H6PD: variants seen among roughly 807,000 people sequenced by gnomAD.
H6PD encodes GDH/6PGL endoplasmic bifunctional protein.
In H6PD, 48 loss-of-function variants were observed where a neutral mutation model predicts 61.2. That is an observed-to-expected ratio of 0.78 (90% confidence interval 0.62 to 1.00). H6PD has a LOEUF of 1.00. H6PD is among the 50% of genes least tolerant of loss of function. The probability of loss-of-function intolerance (pLI) is 0.00; values close to 1 mark genes in which losing one functional copy is unlikely to be tolerated. For synonymous variants in H6PD, 480 were observed against 457.9 expected (o/e 1.05, Z -0.62); for missense variants, 1,093 against 1,065.0 (o/e 1.03, Z -0.37).
chr1:9,261,546 G>A (rs1425426387), intron 3 of H6PD, among the ~76,000 whole-genome samples: 6 of 152,282 alleles, frequency 3.9e-5, no homozygotes, highest in Admixed American at 6.5e-5. Context: ...CCTGGCACAG[G>A]TGTGCGCCCG....
rs533108803 is a variant in H6PD at position 9,242,647 on chromosome 1, G to A, written c.-10-2278G>A. The A allele has an allele frequency of 7.1e-6, 7 of 985,472 alleles. No individual in the cohort carries two copies. In the East Asian group the frequency reaches 6.8e-4, roughly 96 times the overall value. The allele number at this position is 985,472 out of a possible 1,614,324, so 61.0% of individuals were successfully genotyped here. On this transcript the variant is annotated intron_variant, in intron 1 of 4. Coordinates refer to ENST00000377403, the MANE Select transcript of H6PD (RefSeq NM_004285.4). Reference sequence around the variant, plus strand: ...AGCTGTCTGCAGTCTTCTGGGGTGGGGGCAGAGGTGCTGGCCCTTGGGGCT... The same window carrying A: ...AGCTGTCTGCAGTCTTCTGGGGTGGAGGCAGAGGTGCTGGCCCTTGGGGCT...
At position 9,264,058 on chromosome 1, in the gene H6PD, T is replaced by C. The variant is rs1367696047; in HGVS notation, c.1565T>C (p.Phe522Ser). 1.2e-6 allele frequency: 2 copies of C among 1,614,028 alleles called. No homozygotes were observed. Among genetic ancestry groups the C allele is most frequent in the Non-Finnish European group, 8.5e-7 (1 of 1,180,040 alleles). The change falls in exon 5 of 5, where the codon TTT (phenylalanine) becomes TCT (serine). Residue 522 changes from phenylalanine to serine, a missense_variant. Physicochemically the swap from Phe to Ser is radical, Grantham distance 155. Coordinates refer to ENST00000377403, the MANE Select transcript of H6PD (RefSeq NM_004285.4). ...DFEFSSGRLF[F>S]SQQQPEQLVP... ...GAGTTCAGTAGCGGCCGGTTGTTCT[T>C]TTCCCAGCAGCAGCCGGAGCAGCTG... is the stretch of plus-strand genomic sequence containing the variant.
intron 3 of H6PD, among the ~76,000 whole-genome samples, chr1:9,261,282 C>T (rs765646380): frequency 6.6e-6 from 1 of 152,188 alleles, no homozygotes; most frequent in African/African-American, 2.4e-5. Flanking sequence ...GATCTCCTCT[C>T]CAGCCTCACC....
At chr1:9,239,859 G>T in intron 1 of H6PD, 1 of 473,722 alleles carries the variant, frequency 2.1e-6, no homozygotes. Context: ...AAAACGCTCT[G>T]CGGCTAGAGC....
intron 3 of H6PD, among the ~76,000 whole-genome samples, chr1:9,249,653 G>C (rs1023483287): frequency 6.6e-6 from 1 of 152,242 alleles, no homozygotes; most frequent in African/African-American, 2.4e-5. Flanking sequence ...CGCAGGACAG[G>C]CAGTGGGAGA....
intron 3 of H6PD, among the ~76,000 whole-genome samples, chr1:9,251,078 C>T (rs1344981734): frequency 6.6e-6 from 1 of 152,182 alleles, no homozygotes; most frequent in Non-Finnish European, 1.5e-5. Flanking sequence ...GTCACAGCCC[C>T]CCTGGGTACC....
rs1375372747 is a variant in H6PD at position 9,263,773 on chromosome 1, G to A, written c.1280G>A (p.Trp427Ter). The stretch of plus-strand genomic sequence containing the variant: ...TTCAGGCCCTCCCTGCCCTCCAGCT[G>A]GAAGGAAATGGAGGGACCACCTGGG... ...NLFRPSLPSSWKEMEGPPGLR... is the reference protein window; with the variant it reads ...NLFRPSLPSS Residue 427 changes from tryptophan (W) to a stop codon, truncating the protein, a stop_gained, in exon 5 of 5, where the codon TGG becomes TAG. Coordinates refer to ENST00000377403, the MANE Select transcript of H6PD (RefSeq NM_004285.4). LOFTEE classifies it high-confidence loss of function. 1 of 1,614,002 alleles carries A rather than the reference G, an allele frequency of 6.2e-7. No homozygotes were observed. The highest frequency in any genetic ancestry group is 1.7e-5 in the Admixed American group (1 of 60,034).
chr1:9,266,069 G>C lies in H6PD; in HGVS notation c.*1200G>C, dbSNP rs2100413366. 6.6e-6 allele frequency: 1 copy of C among 152,428 alleles called. No individual in the cohort carries two copies. The allele number at this position is 152,428 out of a possible 1,614,324, so 9.4% of individuals were successfully genotyped here. ...CTCTTGTTTTACCAGGAAAGATCCA[G>C]TTAAATCACCCACTGAGGTGACAGC... On this transcript the variant is annotated 3_prime_UTR_variant, in exon 5 of 5. Coordinates refer to ENST00000377403, the MANE Select transcript of H6PD (RefSeq NM_004285.4).
chr1:9,258,912 GTGTTA>G (rs1178895596), intron 3 of H6PD, among the ~76,000 whole-genome samples: 2 of 152,020 alleles, frequency 1.3e-5, no homozygotes, highest in Non-Finnish European at 2.9e-5. Context: ...TGTTACATCG[GTGTTA>G]TGTTGTTATG....
At chr1:9,237,586 G>A (rs1400678634) in intron 1 of H6PD, among the ~76,000 whole-genome samples, 1 of 152,114 alleles carries the variant, frequency 6.6e-6, no homozygotes, top group Non-Finnish European at 1.5e-5. Context: ...TGCTAAGATG[G>A]GGATAATCAT....
chr1:9,263,111 G>A (rs1638388266), intron 4 of H6PD, among the ~76,000 whole-genome samples: 1 of 152,034 alleles, frequency 6.6e-6, no homozygotes, highest in Non-Finnish European at 1.5e-5. Flanking sequence ...TTCACAAGCA[G>A]GAGGGAAGCA....
At chr1:9,253,881 C>T (rs1268038534) in intron 3 of H6PD, among the ~76,000 whole-genome samples, 1 of 152,208 alleles carries the variant, frequency 6.6e-6, no homozygotes, top group African/African-American at 2.4e-5. Flanking sequence ...AAGAAAAATT[C>T]CAACCAGTCT....
chr1:9,261,227 C>T (rs531849719), intron 3 of H6PD, among the ~76,000 whole-genome samples: 16 of 152,242 alleles, frequency 1.1e-4, no homozygotes, highest in African/African-American at 3.8e-4. Context: ...TACAACTGAT[C>T]TTAGAAAAAA....
intron 1 of H6PD, among the ~76,000 whole-genome samples, chr1:9,237,234 C>CTTTTTTTTTTTTTT: frequency 1.3e-5 from 1 of 74,678 alleles, no homozygotes; most frequent in Non-Finnish European, 2.7e-5. Flanking sequence ...TATTTGACTT[C>CTTTTTTTTTTTTTT]TCTTTTTTTT....
In H6PD at chr1:9,255,117, C is replaced by T. The variant is rs557751216; in HGVS notation, c.746-6942C>T. Among the ~76,000 whole-genome samples, 47 of 152,214 alleles carry T rather than the reference C, an allele frequency of 3.1e-4. No homozygotes were observed. In the South Asian group the frequency reaches 8.5e-3, roughly 28 times the overall value. On this transcript the variant is annotated intron_variant, in intron 3 of 4. Transcript: ENST00000377403. ...TTAGTGGACATTTGGGTTGCCTCTA[C>T]TTTTTGGCTGTTATATATAATGCTG... is the stretch of plus-strand genomic sequence containing the variant.
At position 9,267,982 on chromosome 1, in the gene H6PD, C is replaced by T. The variant is rs1004071928; in HGVS notation, c.*3113C>T. The T allele has an allele frequency of 1.3e-5, 2 of 152,150 alleles. No homozygotes were observed. The highest frequency in any genetic ancestry group is 6.5e-5 in the Admixed American group (1 of 15,270). 9.4% of individuals were successfully genotyped at this position (152,150 alleles called of 1,614,324 possible). On this transcript the variant is annotated 3_prime_UTR_variant, in exon 5 of 5. Coordinates refer to ENST00000377403, the MANE Select transcript of H6PD (RefSeq NM_004285.4). ...TAAATTGGGCTAGGTGTGGCTCATGCCTGTAATCCCAGCACTATGGGAGGC... is the reference window on the plus strand; with the variant it reads ...TAAATTGGGCTAGGTGTGGCTCATGTCTGTAATCCCAGCACTATGGGAGGC...
At chr1:9,260,220 T>C (rs549556946) in intron 3 of H6PD, among the ~76,000 whole-genome samples, 2 of 149,468 alleles carry the variant, frequency 1.3e-5, no homozygotes, top group Admixed American at 6.6e-5. Context: ...ACACTGGTGT[T>C]GCTGTTGTTA....
intron 1 of H6PD, among the ~76,000 whole-genome samples, chr1:9,243,788 CTG>C (rs1459111407): frequency 6.7e-6 from 1 of 148,396 alleles, no homozygotes; most frequent in East Asian, 2.1e-4. Context: ...GGCCCAGACA[CTG>C]TTGTTGGTCC....
At chr1:9,242,783 C>A (rs1193113933) in intron 1 of H6PD, 1 of 985,340 alleles carries the variant, frequency 1.0e-6, no homozygotes, top group Non-Finnish European at 1.2e-6. Flanking sequence ...GCGCAGCCTG[C>A]CAGCTGGCGG....
Sources: gnomAD v4.1 joint callset for allele counts (sites outside exome capture counted in the v4.1 genomes callset) on GRCh38, gnomAD v4.1.1 for gene constraint, MANE v1.5 for transcripts, NCBI Gene and HGNC (gene_info 2026-07-23, HGNC 2026-07-21) for gene names.